Variants in IGF1R observed in about 807,000 individuals in gnomAD.
IGF1R encodes insulin-like growth factor 1 receptor.
In IGF1R, 44 loss-of-function variants were observed where a neutral mutation model predicts 144.6. The ratio of observed to expected loss-of-function variants is 0.30; its 90% CI spans 0.24 to 0.39. The LOEUF is 0.39. Among genes scored for constraint, IGF1R ranks in the 10% least tolerant of loss-of-function variants. The pLI, the probability that IGF1R is intolerant of heterozygous loss-of-function variation, is 1.00. For synonymous variants in IGF1R, 795 were observed against 722.8 expected, an observed-to-expected ratio of 1.10 and a Z score of -1.60; for missense variants, 1,355 against 1,833.7, an observed-to-expected ratio of 0.74 and a Z score of 4.77.
intron 1 of IGF1R, among the ~76,000 whole-genome samples, chr15:98,696,000 A>G (rs1338054349): frequency 6.7e-6 from 1 of 149,512 alleles, no homozygotes; most frequent in Admixed American, 6.7e-5. Context: ...CCTTAGGTAC[A>G]GTCTAAGACT....
chr15:98,746,990 G>A (rs1012527672), intron 2 of IGF1R, among the ~76,000 whole-genome samples: 1 of 152,148 alleles, frequency 6.6e-6, no homozygotes, highest in South Asian at 2.1e-4. Context: ...GGATGAACTC[G>A]TAATTCACCA....
At chr15:98,890,925 A>G (rs1439455427) in intron 2 of IGF1R, among the ~76,000 whole-genome samples, 1 of 152,260 alleles carries the variant, frequency 6.6e-6, no homozygotes, top group African/African-American at 2.4e-5. Flanking sequence ...TGAGCAGAGC[A>G]CAATGCCTTT....
chr15:98,716,112 C>T (rs747125679), intron 2 of IGF1R, among the ~76,000 whole-genome samples: 5 of 152,134 alleles, frequency 3.3e-5, no homozygotes, highest in Non-Finnish European at 7.3e-5. Flanking sequence ...TCCAGCAGTG[C>T]CTTTCCTAGG....
chr15:98,922,699 CTGCTACT>C (rs1460548863), intron 11 of IGF1R, among the ~76,000 whole-genome samples: 2 of 152,254 alleles, frequency 1.3e-5, no homozygotes, highest in African/African-American at 4.8e-5. Flanking sequence ...CACCCTCCAC[CTGCTACT>C]TGGTGCACAT....
At chr15:98,733,296 C>A (rs760165108) in intron 2 of IGF1R, among the ~76,000 whole-genome samples, 1 of 152,042 alleles carries the variant, frequency 6.6e-6, no homozygotes, top group Non-Finnish European at 1.5e-5. Context: ...CTTATTGCAG[C>A]CTCAGCCTCC....
chr15:98,713,404 GTGTCATTGTTGC>G (rs147538139), intron 2 of IGF1R, among the ~76,000 whole-genome samples: 5,009 of 152,260 alleles, frequency 0.033, 101 homozygotes, highest in East Asian at 0.056. Flanking sequence ...GATGTTTACT[GTGTCATTGTTGC>G]TGTCATTGCT....
chr15:98,712,178 AT>A lies in IGF1R; in HGVS notation c.640+4073del, dbSNP rs1362379976. Among the ~76,000 whole-genome samples, 3 of 152,054 alleles carry A rather than the reference AT, an allele frequency of 2.0e-5. No individual in the cohort carries two copies. The South Asian group carries it at 6.2e-4, about 32-fold the overall frequency. On this transcript the variant is annotated intron_variant, in intron 2 of 20. Coordinates refer to ENST00000650285, the MANE Select transcript of IGF1R (RefSeq NM_000875.5). ...TCTCATCTCATCCACTGGTAACTGC[AT>A]TGCCTCCTGTCTCCACCTAAACTTC...
intron 2 of IGF1R, among the ~76,000 whole-genome samples, chr15:98,765,055 G>C (rs961394059): frequency 6.6e-6 from 1 of 152,156 alleles, no homozygotes; most frequent in East Asian, 1.9e-4. Flanking sequence ...TATAAATGCA[G>C]TTATATAATA....
chr15:98,692,564 C>A (rs2053502261), intron 1 of IGF1R, among the ~76,000 whole-genome samples: 1 of 152,154 alleles, frequency 6.6e-6, no homozygotes, highest in South Asian at 2.1e-4. Flanking sequence ...ATTTATTTAC[C>A]ATACCCTGGA....
chr15:98,830,060 CTTG>C (rs2056972101), intron 2 of IGF1R, among the ~76,000 whole-genome samples: 1 of 152,194 alleles, frequency 6.6e-6, no homozygotes, highest in Non-Finnish European at 1.5e-5. Flanking sequence ...CCACTGAAGT[CTTG>C]TTGTTTGTCC....
At chr15:98,931,269 G>A (rs28674114) in intron 15 of IGF1R, among the ~76,000 whole-genome samples, 18,647 of 152,192 alleles carry the variant, frequency 0.12, 2,771 homozygotes, top group African/African-American at 0.36. Context: ...GCATGATGTT[G>A]AGTGAGTACA....
At chr15:98,745,909 A>C (rs2054853413) in intron 2 of IGF1R, among the ~76,000 whole-genome samples, 1 of 152,236 alleles carries the variant, frequency 6.6e-6, no homozygotes, top group African/African-American at 2.4e-5. Flanking sequence ...TTATCTTACC[A>C]ATACACCTGC....
intron 2 of IGF1R, among the ~76,000 whole-genome samples, chr15:98,848,780 G>C (rs1022477672): frequency 2.0e-5 from 3 of 152,084 alleles, no homozygotes; most frequent in Admixed American, 2.0e-4. Flanking sequence ...TCTTCTGCCA[G>C]AAATAACATA....
chr15:98,755,184 G>A (rs1264520658), intron 2 of IGF1R, among the ~76,000 whole-genome samples: 2 of 152,014 alleles, frequency 1.3e-5, no homozygotes, highest in East Asian at 3.9e-4. Flanking sequence ...ATAGTGAATA[G>A]CCTCTATATA....
At chr15:98,767,851 A>G (rs896910942) in intron 2 of IGF1R, among the ~76,000 whole-genome samples, 3 of 152,136 alleles carry the variant, frequency 2.0e-5, no homozygotes, top group Non-Finnish European at 2.9e-5. Context: ...CTGTGTCTCC[A>G]TCTCCCAAGC....
intron 2 of IGF1R, among the ~76,000 whole-genome samples, chr15:98,840,927 C>G (rs376655636): frequency 2.0e-5 from 3 of 152,104 alleles, no homozygotes; most frequent in African/African-American, 7.2e-5. Flanking sequence ...GTGATCCGCC[C>G]GCCTCGGCCT....
intron 2 of IGF1R, among the ~76,000 whole-genome samples, chr15:98,750,495 G>A (rs1334907000): frequency 6.6e-6 from 1 of 152,152 alleles, no homozygotes; most frequent in Non-Finnish European, 1.5e-5. Context: ...ATGGTATTCT[G>A]TCATCCTTGG....
At chr15:98,894,194 C>T (rs2014064337) in intron 3 of IGF1R, among the ~76,000 whole-genome samples, 1 of 152,162 alleles carries the variant, frequency 6.6e-6, no homozygotes, top group African/African-American at 2.4e-5. Flanking sequence ...CCTGCCTCAG[C>T]CTCCCAAAGT....
chr15:98,697,677 C>T (rs987957800), intron 1 of IGF1R, among the ~76,000 whole-genome samples: 7 of 100,308 alleles, frequency 7.0e-5, no homozygotes, highest in African/African-American at 3.1e-4. Flanking sequence ...TGTTAAAATG[C>T]GGCAGAACTT....
Sources: allele counts gnomAD v4.1 joint callset (sites outside exome capture counted in the v4.1 genomes callset), GRCh38; gene constraint gnomAD v4.1.1; transcripts MANE v1.5; gene names NCBI Gene and HGNC (gene_info 2026-07-23, HGNC 2026-07-21).